THEMIS: variants seen among roughly 807,000 people sequenced by gnomAD.
The protein encoded by THEMIS is protein THEMIS.
A neutral mutation model predicts 52.6 loss-of-function variants in THEMIS; 37 were observed. The ratio of observed to expected loss-of-function variants is 0.70; its 90% CI spans 0.54 to 0.93. The LOEUF (loss-of-function observed/expected upper bound fraction) is 0.93, where lower values mean the gene tolerates loss of function less well. Ranked by LOEUF, THEMIS falls within the 40% of genes least tolerant of loss-of-function variation. The pLI, the probability that THEMIS is intolerant of heterozygous loss-of-function variation, is 0.00. For synonymous variants in THEMIS, 292 were observed against 272.7 expected (o/e 1.07, Z -0.70); for missense variants, 808 against 763.1 (o/e 1.06, Z -0.69).
At chr6:127,740,632 C>T (rs1775170039) in intron 4 of THEMIS, among the ~76,000 whole-genome samples, 1 of 152,196 alleles carries the variant, frequency 6.6e-6, no homozygotes, top group African/African-American at 2.4e-5. Context: ...TAAATAACGG[C>T]CATTTTTTTC....
rs575409521 is a variant in THEMIS at position 127,717,120 on chromosome 6, T to C, written c.1894+2568A>G. On this transcript the variant is annotated intron_variant, in intron 5 of 5. Transcript: ENST00000368248. ...TAGCAATCAATTCATAAAGATTCAG[T>C]AGTTAATTATTATAGCCTGACTTCA... Among the ~76,000 whole-genome samples, 170 of 152,030 alleles carry C rather than the reference T, an allele frequency of 1.1e-3. 2 individuals carry two copies. Among genetic ancestry groups the C allele is most frequent in the African/African-American group, 3.9e-3 (164 of 41,522 alleles).
chr6:127,732,055 A>C (rs899566257), intron 4 of THEMIS, among the ~76,000 whole-genome samples: 5 of 150,160 alleles, frequency 3.3e-5, no homozygotes, highest in African/African-American at 1.2e-4. Context: ...GTGAATCTTA[A>C]ATGTTACGCA....
intron 1 of THEMIS, among the ~76,000 whole-genome samples, chr6:127,913,209 A>AT (rs1193996758): frequency 6.6e-6 from 1 of 152,144 alleles, no homozygotes; most frequent in African/African-American, 2.4e-5. Flanking sequence ...TAGATACTGG[A>AT]TGGAAAAAAA....
chr6:127,711,646 A>G (rs1291854977), intron 5 of THEMIS, among the ~76,000 whole-genome samples: 1 of 152,000 alleles, frequency 6.6e-6, no homozygotes, highest in Admixed American at 6.6e-5. Flanking sequence ...AAAACCATAT[A>G]CTGTAGAATA....
intron 4 of THEMIS, among the ~76,000 whole-genome samples, chr6:127,738,397 C>G (rs184992402): frequency 2.8e-4 from 42 of 152,096 alleles, no homozygotes; most frequent in African/African-American, 9.4e-4. Context: ...CATGGAAAGG[C>G]CTTAGTGTGG....
At chr6:127,711,909 A>G (rs1480946065) in intron 5 of THEMIS, among the ~76,000 whole-genome samples, 1 of 151,984 alleles carries the variant, frequency 6.6e-6, no homozygotes, top group Non-Finnish European at 1.5e-5. Context: ...CTGGCTGTGT[A>G]TTTTGAGGAA....
At chr6:127,783,618 A>G (rs1776822404) in intron 4 of THEMIS, among the ~76,000 whole-genome samples, 1 of 152,224 alleles carries the variant, frequency 6.6e-6, no homozygotes, top group Admixed American at 6.5e-5. Flanking sequence ...TATGCAGCCA[A>G]AAAAACATAT....
intron 1 of THEMIS, among the ~76,000 whole-genome samples, chr6:127,907,475 T>C (rs536192830): frequency 2.0e-5 from 3 of 150,788 alleles, no homozygotes; most frequent in South Asian, 4.2e-4. Flanking sequence ...CTCCTAGTTA[T>C]ACCTGGAAAA....
intron 1 of THEMIS, among the ~76,000 whole-genome samples, chr6:127,869,191 G>A (rs1376740884): frequency 1.3e-5 from 2 of 152,080 alleles, no homozygotes; most frequent in Non-Finnish European, 2.9e-5. Flanking sequence ...ACTTACCATA[G>A]GGTTACATCC....
At chr6:127,835,817 A>G (rs1049604846) in intron 2 of THEMIS, among the ~76,000 whole-genome samples, 14 of 152,118 alleles carry the variant, frequency 9.2e-5, no homozygotes, top group African/African-American at 3.1e-4. Flanking sequence ...GCCTCAGGTG[A>G]CCTCTTTAGG....
chr6:127,916,369 A>C (rs1781527705), intron 1 of THEMIS, among the ~76,000 whole-genome samples: 1 of 152,174 alleles, frequency 6.6e-6, no homozygotes, highest in South Asian at 2.1e-4. Flanking sequence ...GTCCTCCATC[A>C]AACCCCAATT....
chr6:127,813,421 A>G lies in THEMIS; in HGVS notation c.1220T>C (p.Val407Ala). 1 of 1,613,848 alleles carries G rather than the reference A, an allele frequency of 6.2e-7. No individual in the cohort carries two copies. Among genetic ancestry groups the G allele is most frequent in the Non-Finnish European group, 8.5e-7 (1 of 1,179,930 alleles). ...TEVLCEGIKK[V>A]VNVLACEKIL... ...TTTTTCACAGGCCAGAACATTCACC[A>G]CTTTTTTTATTCCCTCACAGAGGAC... Residue 407 changes from valine to alanine, a missense_variant, in exon 4 of 6, where the codon GTG becomes GCG. Val to Ala is a moderately conservative substitution (Grantham distance 64). Coordinates refer to ENST00000368248, the MANE Select transcript of THEMIS (RefSeq NM_001010923.3).
intron 1 of THEMIS, among the ~76,000 whole-genome samples, chr6:127,866,177 G>A (rs1471461395): frequency 6.6e-6 from 1 of 151,162 alleles, no homozygotes; most frequent in Non-Finnish European, 1.5e-5. Flanking sequence ...TTCTTCCTTC[G>A]TTTTCTGTTT....
intron 4 of THEMIS, among the ~76,000 whole-genome samples, chr6:127,750,604 CT>C (rs1168091805): frequency 6.6e-6 from 1 of 151,754 alleles, no homozygotes. Context: ...CAAACTAGAA[CT>C]TTTTACCTGA....
chr6:127,744,961 C>T (rs1301335087), intron 4 of THEMIS, among the ~76,000 whole-genome samples: 1 of 151,684 alleles, frequency 6.6e-6, no homozygotes, highest in Admixed American at 6.6e-5. Flanking sequence ...TTATGTATAT[C>T]CAGACTCTTC....
At chr6:127,762,473 T>C (rs928617641) in intron 4 of THEMIS, among the ~76,000 whole-genome samples, 2 of 152,086 alleles carry the variant, frequency 1.3e-5, no homozygotes, top group Admixed American at 6.6e-5. Context: ...AAAAGAAATC[T>C]AAAGCGCTTA....
At chr6:127,719,606 T>C (rs1774291465) in intron 5 of THEMIS, 82 bp downstream of exon 5, 1 of 1,277,214 alleles carries the variant, frequency 7.8e-7, no homozygotes, top group East Asian at 2.5e-5. Flanking sequence ...AATAAAATAA[T>C]AGTAAGAATC....
chr6:127,866,840 G>A, intron 1 of THEMIS, among the ~76,000 whole-genome samples: 1 of 151,750 alleles, frequency 6.6e-6, no homozygotes, highest in East Asian at 1.9e-4. Flanking sequence ...TAGGTAGCTG[G>A]AGACAGAAGG....
At chr6:127,898,113 G>A (rs545625574) in intron 1 of THEMIS, among the ~76,000 whole-genome samples, 2 of 151,794 alleles carry the variant, frequency 1.3e-5, no homozygotes, top group East Asian at 3.9e-4. Flanking sequence ...AGTATATAAT[G>A]ACTGAGAAAG....
Sources: allele counts gnomAD v4.1 joint callset (sites outside exome capture counted in the v4.1 genomes callset), GRCh38; gene constraint gnomAD v4.1.1; transcripts MANE v1.5; gene names NCBI Gene and HGNC (gene_info 2026-07-23, HGNC 2026-07-21).